Variants in ZFPM2 observed in about 807,000 individuals in gnomAD.
ZFPM2 encodes the protein zinc finger protein, FOG family member 2, also known as zinc finger protein ZFPM2.
A neutral mutation model predicts 98.6 loss-of-function variants in ZFPM2; 20 were observed. The ratio of observed to expected loss-of-function variants is 0.20; its 90% CI spans 0.14 to 0.29. ZFPM2 has a LOEUF of 0.29. ZFPM2 is among the 10% of genes least tolerant of loss of function. The pLI, the probability that ZFPM2 is intolerant of heterozygous loss-of-function variation, is 1.00. For missense variants in ZFPM2, 1,310 were observed against 1,388.6 expected (o/e 0.94, Z 0.90); for synonymous variants, 518 against 502.7 (o/e 1.03, Z -0.41).
chr8:105,479,234 G>A (rs1359701657), intron 3 of ZFPM2, among the ~76,000 whole-genome samples: 2 of 152,080 alleles, frequency 1.3e-5, no homozygotes, highest in Admixed American at 6.6e-5. Flanking sequence ...ATGTCATTTC[G>A]AGAAAACTAA....
intron 5 of ZFPM2, among the ~76,000 whole-genome samples, chr8:105,688,606 A>AT (rs1032820618): frequency 5.3e-5 from 8 of 151,930 alleles, no homozygotes; most frequent in Non-Finnish European, 7.4e-5. Context: ...CTATTCATAG[A>AT]TTTTTTTGTT....
At position 105,673,118 on chromosome 8, in the gene ZFPM2, A is replaced by T. The variant is rs994848910; in HGVS notation, c.532+38761A>T. On this transcript the variant is annotated intron_variant, in intron 5 of 7. Transcript: ENST00000407775. Reference sequence around the variant, plus strand: ...GTGAACGAGAGATTGGAAGAGGAAAATTTGTGCCAGGGAAGAACTTAAATA... The same window carrying T: ...GTGAACGAGAGATTGGAAGAGGAAATTTTGTGCCAGGGAAGAACTTAAATA... Among the ~76,000 whole-genome samples, 4 of 150,358 alleles carry T rather than the reference A, an allele frequency of 2.7e-5. No homozygotes were observed. In the East Asian group the frequency reaches 7.8e-4, roughly 29 times the overall value.
intron 3 of ZFPM2, among the ~76,000 whole-genome samples, chr8:105,497,418 T>C (rs1375239163): frequency 2.6e-5 from 4 of 152,088 alleles, no homozygotes; most frequent in African/African-American, 9.7e-5. Flanking sequence ...TTGAGTAACA[T>C]GATATATGGT....
At chr8:105,692,002 C>A (rs1254490560) in intron 5 of ZFPM2, among the ~76,000 whole-genome samples, 3 of 152,180 alleles carry the variant, frequency 2.0e-5, no homozygotes, top group Non-Finnish European at 2.9e-5. Context: ...TAACAATCTT[C>A]TTTGATCTGA....
intron 3 of ZFPM2, among the ~76,000 whole-genome samples, chr8:105,524,790 T>C (rs547635408): frequency 6.6e-6 from 1 of 152,262 alleles, no homozygotes; most frequent in East Asian, 1.9e-4. Flanking sequence ...TGCACAAGTG[T>C]CAACTTTCTT....
intron 1 of ZFPM2, among the ~76,000 whole-genome samples, chr8:105,324,852 A>G (rs1367215993): frequency 6.6e-6 from 1 of 151,946 alleles, no homozygotes; most frequent in Non-Finnish European, 1.5e-5. Flanking sequence ...GATACCATTT[A>G]GAGAAAGTTT....
chr8:105,782,414 T>C (rs1479319953), intron 5 of ZFPM2: 1 of 152,258 alleles, frequency 6.6e-6, no homozygotes, highest in Admixed American at 6.5e-5. Context: ...TAGTTCATCT[T>C]TGCATTGAGG....
At chr8:105,678,542 T>G (rs1297234297) in intron 5 of ZFPM2, 1 of 152,190 alleles carries the variant, frequency 6.6e-6, no homozygotes, top group Non-Finnish European at 1.5e-5. Flanking sequence ...ACACCACATA[T>G]GAGGAAATCA....
intron 7 of ZFPM2, among the ~76,000 whole-genome samples, chr8:105,800,081 G>T (rs564469792): frequency 1.3e-5 from 2 of 151,982 alleles, no homozygotes; most frequent in South Asian, 4.2e-4. Flanking sequence ...AGAATACAGG[G>T]GTCCTTTAAG....
chr8:105,553,002 G>C (rs1814899795), intron 3 of ZFPM2, among the ~76,000 whole-genome samples: 1 of 151,346 alleles, frequency 6.6e-6, no homozygotes, highest in African/African-American at 2.4e-5. Flanking sequence ...GTAAAGACAG[G>C]GTTTTGCCAT....
Position 105,580,829 on chromosome 8 carries a change from A to G in ZFPM2, c.420+19348A>G, listed in dbSNP as rs547136228. ...TCTCTCTCTCTCTCTCTCTCTCTCT[A>G]TATATATATATATATAAATCACTGA... is the stretch of plus-strand genomic sequence containing the variant. On this transcript the variant is annotated intron_variant, in intron 4 of 7. Transcript: ENST00000407775. Among the ~76,000 whole-genome samples the G allele has an allele frequency of 1.7e-3, 232 of 133,462 alleles. 5 individuals are homozygous for G. The highest frequency in any genetic ancestry group is 8.9e-4 in the Non-Finnish European group (52 of 58,600). 87.6% of individuals were successfully genotyped at this position (133,462 alleles called of 152,430 possible).
intron 1 of ZFPM2, 123 bp downstream of exon 1, chr8:105,319,104 C>A: frequency 8.4e-7 from 1 of 1,196,528 alleles, no homozygotes; most frequent in South Asian, 2.0e-5. Context: ...CCCTAGATGT[C>A]TCAAACTTTG....
At chr8:105,617,008 A>T (rs2130808730) in intron 4 of ZFPM2, among the ~76,000 whole-genome samples, 1 of 122,038 alleles carries the variant, frequency 8.2e-6, no homozygotes, top group South Asian at 2.9e-4. Context: ...CTACTGAGCA[A>T]GACTCTGTCT....
intron 3 of ZFPM2, among the ~76,000 whole-genome samples, chr8:105,515,683 G>A (rs1480308365): frequency 3.3e-5 from 5 of 152,146 alleles, no homozygotes; most frequent in Non-Finnish European, 4.4e-5. Context: ...GCCCTTCAGG[G>A]TTGCAGGCTG....
At chr8:105,551,371 C>A (rs190527052) in intron 3 of ZFPM2, among the ~76,000 whole-genome samples, 5 of 152,110 alleles carry the variant, frequency 3.3e-5, no homozygotes, top group Admixed American at 6.5e-5. Flanking sequence ...GGTCTATATT[C>A]ATTGGTTATA....
At position 105,634,241 on chromosome 8, in the gene ZFPM2, T is replaced by C. The variant is rs552410913; in HGVS notation, c.421-5T>C. Reference sequence around the variant, plus strand: ...GGCATCTGTTTGTTATCATTCTTTCTACAGAAGACAAAGGCTCAGGTCCCA... The same window carrying C: ...GGCATCTGTTTGTTATCATTCTTTCCACAGAAGACAAAGGCTCAGGTCCCA... On this transcript the variant is annotated splice_region_variant and splice_polypyrimidine_tract_variant and intron_variant, in intron 4 of 7. Coordinates refer to ENST00000407775, the MANE Select transcript of ZFPM2 (RefSeq NM_012082.4). 5.2e-5 allele frequency: 83 copies of C among 1,608,668 alleles called. No homozygotes were observed. In the South Asian group the frequency reaches 7.8e-4, roughly 15 times the overall value.
chr8:105,446,316 G>A (rs1000608795), intron 3 of ZFPM2, among the ~76,000 whole-genome samples: 9 of 152,268 alleles, frequency 5.9e-5, no homozygotes, highest in East Asian at 1.9e-4. Flanking sequence ...GCCTGCTTGC[G>A]AAAAGGTACA....
intron 1 of ZFPM2, among the ~76,000 whole-genome samples, chr8:105,413,706 C>G (rs1169019237): frequency 6.6e-6 from 1 of 151,572 alleles, no homozygotes; most frequent in African/African-American, 2.4e-5. Context: ...TGGGAGAACA[C>G]CACCATTTTC....
chr8:105,673,187 C>CTTTTTTTTTTTTTT (rs5893754), intron 5 of ZFPM2, among the ~76,000 whole-genome samples: 3 of 87,526 alleles, frequency 3.4e-5, no homozygotes, highest in African/African-American at 1.5e-4. Context: ...AAATAGCATG[C>CTTTTTTTTTTTTTT]TTTTTTTTTT....
Sources: allele counts gnomAD v4.1 joint callset (sites outside exome capture counted in the v4.1 genomes callset), GRCh38; gene constraint gnomAD v4.1.1; transcripts MANE v1.5; gene names NCBI Gene and HGNC (gene_info 2026-07-23, HGNC 2026-07-21).